Variants in TECTA observed in about 807,000 individuals in gnomAD.
TECTA encodes the protein alpha-tectorin.
A neutral mutation model predicts 216.8 loss-of-function variants in TECTA; 128 were observed. That is an observed-to-expected ratio of 0.59 (90% CI 0.51 to 0.68). The LOEUF is 0.68. Ranked by LOEUF, TECTA falls within the 30% of genes least tolerant of loss-of-function variation. TECTA has a pLI of 0.00. For missense variants in TECTA, 2,551 were observed against 2,786.2 expected (o/e 0.92, Z 1.90); for synonymous variants, 1,089 against 1,117.1 (o/e 0.97, Z 0.50).
chr11:121,142,277 C>T (rs1376932725), intron 11 of TECTA, among the ~76,000 whole-genome samples: 3 of 152,158 alleles, frequency 2.0e-5, no homozygotes, highest in Non-Finnish European at 2.9e-5. Context: ...TCGTCTTCTG[C>T]GACTTCCTCC....
intron 18 of TECTA, among the ~76,000 whole-genome samples, chr11:121,167,513 T>G (rs1232473765): frequency 1.3e-5 from 2 of 152,196 alleles, no homozygotes; most frequent in South Asian, 4.1e-4. Context: ...GATTATCCAG[T>G]GTATAGGTTA....
chr11:121,168,545 T>TTACC (rs1947078782), intron 19 of TECTA, 132 bp from the exon 20 acceptor site: 1 of 1,345,914 alleles, frequency 7.4e-7, no homozygotes, highest in East Asian at 2.3e-5. Flanking sequence ...AGGTACTGTA[T>TTACC]TGGACAGCAC....
chr11:121,133,384 A>G (rs1946693998), intron 10 of TECTA, among the ~76,000 whole-genome samples: 1 of 152,168 alleles, frequency 6.6e-6, no homozygotes, highest in Non-Finnish European at 1.5e-5. Context: ...TTTAACATTG[A>G]TATAGTAATT....
chr11:121,171,155 G>A lies in TECTA; in HGVS notation c.5999+2230G>A, dbSNP rs147507506. Among the ~76,000 whole-genome samples the A allele has an allele frequency of 2.9e-3, 438 of 152,272 alleles. 2 individuals carry two copies. The highest frequency in any genetic ancestry group is 8.4e-3 in the African/African-American group (349 of 41,560). On this transcript the variant is annotated intron_variant, in intron 20 of 23. Coordinates refer to ENST00000392793, the MANE Select transcript of TECTA (RefSeq NM_005422.4). Reference sequence around the variant, plus strand: ...TAATTCTTCTGCATATGGATATCCAGTTTTCTCAGCACCAGTTTTTGAAGA... The same window carrying A: ...TAATTCTTCTGCATATGGATATCCAATTTTCTCAGCACCAGTTTTTGAAGA...
intron 10 of TECTA, among the ~76,000 whole-genome samples, chr11:121,135,448 C>T (rs772500473): frequency 2.6e-5 from 4 of 152,208 alleles, no homozygotes; most frequent in Admixed American, 6.5e-5. Context: ...CATAAATCTG[C>T]AGTCAGTGTT....
rs536525867 is a variant in TECTA at position 121,156,578 on chromosome 11, C to T, written c.4306-1263C>T. Among the ~76,000 whole-genome samples the T allele has an allele frequency of 4.0e-5, 6 of 151,742 alleles. No homozygotes were observed. In the East Asian group the frequency reaches 9.7e-4, roughly 25 times the overall value. ...AGGCTCCTCTCAAACTCCTGACCTC[C>T]GGTGATCCACCCACCTCAGCCTCCC... On this transcript the variant is annotated intron_variant, in intron 13 of 23. Coordinates refer to ENST00000392793, the MANE Select transcript of TECTA (RefSeq NM_005422.4).
At chr11:121,134,749 G>T (rs1299412498) in intron 10 of TECTA, among the ~76,000 whole-genome samples, 4 of 152,068 alleles carry the variant, frequency 2.6e-5, no homozygotes, top group Non-Finnish European at 5.9e-5. Context: ...TTTCAGTGCC[G>T]TCCTTTTAGA....
intron 12 of TECTA, among the ~76,000 whole-genome samples, chr11:121,146,498 C>T (rs979812026): frequency 6.6e-6 from 1 of 152,142 alleles, no homozygotes; most frequent in Non-Finnish European, 1.5e-5. Context: ...TGTTAATAAT[C>T]CGCATGCTTT....
intron 4 of TECTA, 56 bp downstream of exon 4, chr11:121,109,554 C>T (rs1326321219): frequency 6.3e-7 from 1 of 1,597,808 alleles, no homozygotes; most frequent in East Asian, 2.2e-5. Context: ...AATTCTTGTC[C>T]ATCTTCGCTA....
chr11:121,146,302 A>G (rs1565529624), intron 12 of TECTA, 186 bp downstream of exon 12: 5 of 676,044 alleles, frequency 7.4e-6, no homozygotes, highest in Non-Finnish European at 7.6e-6. Flanking sequence ...CCATGTCCTT[A>G]TTGGTAAAAT....
intron 20 of TECTA, among the ~76,000 whole-genome samples, chr11:121,184,796 A>G (rs946890528): frequency 6.6e-6 from 1 of 152,204 alleles, no homozygotes; most frequent in Non-Finnish European, 1.5e-5. Flanking sequence ...CAAAGACCTC[A>G]CTAAGGTATT....
At chr11:121,133,447 C>T (rs971092602) in intron 10 of TECTA, among the ~76,000 whole-genome samples, 1 of 152,156 alleles carries the variant, frequency 6.6e-6, no homozygotes, top group African/African-American at 2.4e-5. Context: ...CTTTACGGTT[C>T]TTTTGGGGTG....
chr11:121,180,140 A>T (rs1205985448), intron 20 of TECTA, among the ~76,000 whole-genome samples: 1 of 151,562 alleles, frequency 6.6e-6, no homozygotes, highest in East Asian at 1.9e-4. Flanking sequence ...CTTATCATTT[A>T]TTATTGTAGT....
intron 16 of TECTA, among the ~76,000 whole-genome samples, chr11:121,164,443 G>A (rs375591252): frequency 2.0e-5 from 3 of 152,122 alleles, no homozygotes; most frequent in Admixed American, 6.5e-5. Context: ...TAGGCAGAGC[G>A]ATTCTTTAAA....
At chr11:121,101,826 T>A (rs1157753618) in intron 1 of TECTA, among the ~76,000 whole-genome samples, 1 of 152,240 alleles carries the variant, frequency 6.6e-6, no homozygotes, top group Non-Finnish European at 1.5e-5. Context: ...TAACTTGAGC[T>A]TGCGTCCGTG....
At chr11:121,108,287 A>G (rs1946408272) in intron 3 of TECTA, among the ~76,000 whole-genome samples, 1 of 151,732 alleles carries the variant, frequency 6.6e-6, no homozygotes, top group Admixed American at 6.6e-5. Flanking sequence ...CAGTACACAC[A>G]TACACACACA....
intron 10 of TECTA, among the ~76,000 whole-genome samples, chr11:121,131,039 C>A (rs1203823827): frequency 6.6e-6 from 1 of 151,510 alleles, no homozygotes. Flanking sequence ...ATGGGGAAAC[C>A]CTGTCTCTAC....
intron 4 of TECTA, among the ~76,000 whole-genome samples, 155 bp from the exon 5 acceptor site, chr11:121,112,917 C>T (rs1315023983): frequency 6.6e-6 from 1 of 152,192 alleles, no homozygotes; most frequent in African/African-American, 2.4e-5. Context: ...GAGGCGAGAA[C>T]AAATTCAGAG....
At chr11:121,159,030 A>G (rs766394564) in intron 14 of TECTA, among the ~76,000 whole-genome samples, 6 of 152,184 alleles carry the variant, frequency 3.9e-5, no homozygotes, top group Non-Finnish European at 8.8e-5. Context: ...GAGCACAGAG[A>G]GGCAGGGACC....
Sources: gnomAD v4.1 joint callset for allele counts (sites outside exome capture counted in the v4.1 genomes callset) on GRCh38, gnomAD v4.1.1 for gene constraint, MANE v1.5 for transcripts, NCBI Gene and HGNC (gene_info 2026-07-23, HGNC 2026-07-21) for gene names.